Variants in AGAP1 observed in about 807,000 individuals in gnomAD.
AGAP1 encodes arf-GAP with GTPase, ANK repeat and PH domain-containing protein 1.
AGAP1 carries 29 observed loss-of-function variants against 105.3 expected under a neutral mutation model. The observed-to-expected ratio is 0.28, with a 90% CI of 0.21 to 0.38. The LOEUF (loss-of-function observed/expected upper bound fraction) is 0.38. Ranked by LOEUF, AGAP1 falls within the 10% of genes least tolerant of loss-of-function variation. The pLI is 1.00. For synonymous variants in AGAP1, 509 were observed against 485.9 expected, an observed-to-expected ratio of 1.05 and a Z score of -0.63; for missense variants, 998 against 1,165.1, an observed-to-expected ratio of 0.86 and a Z score of 2.09.
At chr2:235,778,949 C>T (rs1956083623) in intron 6 of AGAP1, among the ~76,000 whole-genome samples, 1 of 152,242 alleles carries the variant, frequency 6.6e-6, no homozygotes, top group South Asian at 2.1e-4. Flanking sequence ...CATGGATCAA[C>T]TGACTTCCCT....
At chr2:235,682,752 C>G (rs1316333860) in intron 1 of AGAP1, among the ~76,000 whole-genome samples, 1 of 151,754 alleles carries the variant, frequency 6.6e-6, no homozygotes, top group Admixed American at 6.6e-5. Flanking sequence ...GGCATTTAAC[C>G]TGCTGGGCAC....
rs1944092979 is a variant in AGAP1, at chr2:235,559,917, A to G, written c.163+65068A>G. Among the ~76,000 whole-genome samples the G allele has an allele frequency of 1.3e-5, 2 of 152,036 alleles. No homozygotes were observed. The highest frequency in any genetic ancestry group is 6.6e-5 in the Admixed American group (1 of 15,260). ...CTTATTAGATATATGATTTGCAAAT[A>G]TATTCTTTTTTTCTGTGGTTTGTCC... On this transcript the variant is annotated intron_variant, in intron 1 of 17. Coordinates refer to ENST00000304032, the MANE Select transcript of AGAP1 (RefSeq NM_001037131.3). The surrounding 1 kb of genome is among the most constrained non-coding windows in gnomAD (Gnocchi z 5.7).
Position 235,664,698 on chromosome 2 carries a change from G to T in AGAP1, c.164-44481G>T, listed in dbSNP as rs1948072279. 6.6e-6 allele frequency among the ~76,000 whole-genome samples: 1 copy of T among 152,170 alleles called. No homozygotes were observed. Among genetic ancestry groups the T allele is most frequent in the Non-Finnish European group, 1.5e-5 (1 of 68,030 alleles). ...TAAGTGGAAATGAAGTCTCAGTGTG[G>T]GGTCCGATGCTTCCTATGGCTGCAT... On this transcript the variant is annotated intron_variant, in intron 1 of 17. Transcript: ENST00000304032. This position sits in a 1 kb window ranked among gnomAD's most constrained non-coding sequence, Gnocchi z 5.7.
intron 1 of AGAP1, among the ~76,000 whole-genome samples, chr2:235,540,806 A>T (rs1321511558): frequency 1.3e-5 from 2 of 151,926 alleles, no homozygotes; most frequent in East Asian, 3.9e-4. Flanking sequence ...GTGAGAAGAA[A>T]CACTTCAGGG....
In AGAP1 at chr2:235,893,292, G is replaced by GCGTGTCTGTGGCGCAGGTGTGC. The variant is rs1351590118; in HGVS notation, c.1155+9856_1155+9877dup. ...GCGCCGTGTCTGTAGCGTGGGTGTA[G>GCGTGTCTGTGGCGCAGGTGTGC]CGTGTCTGTGGCGCAGGTGTGCCGT... On this transcript the variant is annotated intron_variant, in intron 10 of 17. Transcript: ENST00000304032. The surrounding 1 kb of genome is among the most constrained non-coding windows in gnomAD (Gnocchi z 4.7). 2.7e-5 allele frequency among the ~76,000 whole-genome samples: 4 copies of GCGTGTCTGTGGCGCAGGTGTGC among 150,006 alleles called. No homozygotes were observed. Among genetic ancestry groups the GCGTGTCTGTGGCGCAGGTGTGC allele is most frequent in the Non-Finnish European group, 5.9e-5 (4 of 67,504 alleles).
chr2:235,552,011 C>G lies in AGAP1; in HGVS notation c.163+57162C>G, dbSNP rs1943828168. Among the ~76,000 whole-genome samples the G allele has an allele frequency of 6.6e-6, 1 of 152,222 alleles. No individual in the cohort carries two copies. The highest frequency in any genetic ancestry group is 1.5e-5 in the Non-Finnish European group (1 of 68,044). On this transcript the variant is annotated intron_variant, in intron 1 of 17. Transcript: ENST00000304032. This position sits in a 1 kb window ranked among gnomAD's most constrained non-coding sequence, Gnocchi z 5.9. ...AAGAACTCTAGTTGGAGTTGTAGAG[C>G]TAATGTTTTTTTCTCTGGTCCCTGC... is the stretch of plus-strand genomic sequence containing the variant.
intron 9 of AGAP1, among the ~76,000 whole-genome samples, chr2:235,880,208 C>T (rs1575680211): frequency 2.0e-5 from 3 of 151,696 alleles, no homozygotes; most frequent in South Asian, 2.1e-4. Flanking sequence ...CAAATAAGTC[C>T]TCGTAGCCTT....
intron 10 of AGAP1, among the ~76,000 whole-genome samples, chr2:235,885,806 C>T (rs934359152): frequency 6.6e-5 from 10 of 152,320 alleles, no homozygotes; most frequent in African/African-American, 9.6e-5. Flanking sequence ...ACTGAAAGCA[C>T]CTCCCATGCG....
At position 235,622,848 on chromosome 2, in the gene AGAP1, G is replaced by A. The variant is rs976754282; in HGVS notation, c.164-86331G>A. Among the ~76,000 whole-genome samples, 2 of 152,106 alleles carry A rather than the reference G, an allele frequency of 1.3e-5. No homozygotes were observed. Among genetic ancestry groups the A allele is most frequent in the African/African-American group, 4.8e-5 (2 of 41,412 alleles). The stretch of plus-strand genomic sequence containing the variant: ...CCTGCACCCACACTGGACAGTCATT[G>A]TAGAAAGTAAGATGTGATGTTAATA... On this transcript the variant is annotated intron_variant, in intron 1 of 17. Transcript: ENST00000304032. The surrounding 1 kb of genome is among the most constrained non-coding windows in gnomAD (Gnocchi z 5.0).
rs575119540 is a variant in AGAP1, at chr2:235,569,081, G to A, written c.163+74232G>A. Among the ~76,000 whole-genome samples the A allele has an allele frequency of 3.3e-5, 5 of 152,294 alleles. No homozygotes were observed. In the East Asian group the frequency reaches 9.6e-4, roughly 29 times the overall value. On this transcript the variant is annotated intron_variant, in intron 1 of 17. Coordinates refer to ENST00000304032, the MANE Select transcript of AGAP1 (RefSeq NM_001037131.3). This position sits in a 1 kb window ranked among gnomAD's most constrained non-coding sequence, Gnocchi z 5.9. ...GGTGTTGGGACATGGACATTTTGGG[G>A]GACCCATGATTCAGTTTCCCTCACG... is the stretch of plus-strand genomic sequence containing the variant.
At chr2:236,086,492 T>C (rs2058931126) in intron 16 of AGAP1, among the ~76,000 whole-genome samples, 1 of 152,206 alleles carries the variant, frequency 6.6e-6, no homozygotes. Flanking sequence ...ATTCAGAAAC[T>C]AAAAGAAATA....
chr2:235,589,929 G>T (rs1468044935), intron 1 of AGAP1, among the ~76,000 whole-genome samples: 1 of 151,792 alleles, frequency 6.6e-6, no homozygotes, highest in African/African-American at 2.4e-5. Context: ...CGCCCAGGCT[G>T]GAGTGCAGTG....
At chr2:235,767,359 G>A (rs1955046764) in intron 6 of AGAP1, among the ~76,000 whole-genome samples, 1 of 152,250 alleles carries the variant, frequency 6.6e-6, no homozygotes, top group Non-Finnish European at 1.5e-5. Context: ...GAGGCAGGTT[G>A]GGCGCAGGCT....
rs916765448 is a variant in AGAP1 at position 235,737,625 on chromosome 2, G to A, written c.311-3338G>A. 6.6e-6 allele frequency among the ~76,000 whole-genome samples: 1 copy of A among 152,172 alleles called. No individual in the cohort carries two copies. Among genetic ancestry groups the A allele is most frequent in the Non-Finnish European group, 1.5e-5 (1 of 68,044 alleles). On this transcript the variant is annotated intron_variant, in intron 3 of 17. Transcript: ENST00000304032. The surrounding 1 kb of genome is among the most constrained non-coding windows in gnomAD (Gnocchi z 4.5). ...CAAAAACATGTTAGAGGAAGCAAAG[G>A]AGAGGATGGACGTGAAATCCGTCCT...
intron 16 of AGAP1, among the ~76,000 whole-genome samples, chr2:236,079,620 A>G (rs1052683860): frequency 2.0e-5 from 3 of 151,954 alleles, no homozygotes; most frequent in African/African-American, 7.3e-5. Flanking sequence ...ATATATAGTG[A>G]TCCATGCAAA....
At chr2:236,115,805 T>TTTTGTTTTG (rs71400796) in intron 16 of AGAP1, among the ~76,000 whole-genome samples, 4 of 151,428 alleles carry the variant, frequency 2.6e-5, no homozygotes, top group Admixed American at 6.6e-5. Flanking sequence ...AAAGCTTCTG[T>TTTTGTTTTG]TTTTGTTTTG....
rs1303116665 is a variant in AGAP1, at chr2:236,119,646, A to C, written c.2115-546A>C. Among the ~76,000 whole-genome samples, 2 of 147,382 alleles carry C rather than the reference A, an allele frequency of 1.4e-5. No homozygotes were observed. The highest frequency in any genetic ancestry group is 3.0e-5 in the Non-Finnish European group (2 of 67,336). On this transcript the variant is annotated intron_variant, in intron 16 of 17. Coordinates refer to ENST00000304032, the MANE Select transcript of AGAP1 (RefSeq NM_001037131.3). This position sits in a 1 kb window ranked among gnomAD's most constrained non-coding sequence, Gnocchi z 6.6. ...CTTACAGTCCTGCTTACAGTAAAGC[A>C]ACTCTCGGCCCCAGAGACCATGCTT...
rs1479477555 is a variant in AGAP1 at position 235,976,744 on chromosome 2, G to T, written c.1645+8121G>T. On this transcript the variant is annotated intron_variant, in intron 13 of 17. Coordinates refer to ENST00000304032, the MANE Select transcript of AGAP1 (RefSeq NM_001037131.3). The surrounding 1 kb of genome is among the most constrained non-coding windows in gnomAD (Gnocchi z 4.5). ...GAACTTGGTTATGCAGGAGCACAGG[G>T]CACCCCCAGCTGCCTGGAGGACCTC... Among the ~76,000 whole-genome samples, 1 of 152,144 alleles carries T rather than the reference G, an allele frequency of 6.6e-6. No individual in the cohort carries two copies. Among genetic ancestry groups the T allele is most frequent in the African/African-American group, 2.4e-5 (1 of 41,442 alleles).
rs1032032941 is a variant in AGAP1 at position 235,608,856 on chromosome 2, G to A, written c.164-100323G>A. On this transcript the variant is annotated intron_variant, in intron 1 of 17. Transcript: ENST00000304032. This position sits in a 1 kb window ranked among gnomAD's most constrained non-coding sequence, Gnocchi z 5.4. ...TGAAATTCGAATAGATTGTACGAAG[G>A]TTTGAGAGCTGGCATGACCCACTTT... is the stretch of plus-strand genomic sequence containing the variant. 2.6e-5 allele frequency among the ~76,000 whole-genome samples: 4 copies of A among 152,164 alleles called. No homozygotes were observed. Among genetic ancestry groups the A allele is most frequent in the African/African-American group, 9.7e-5 (4 of 41,434 alleles).
Sources: allele counts gnomAD v4.1 joint callset (sites outside exome capture counted in the v4.1 genomes callset), GRCh38; gene constraint gnomAD v4.1.1; non-coding constraint Gnocchi (gnomAD v3.1); transcripts MANE v1.5; gene names NCBI Gene and HGNC (gene_info 2026-07-23, HGNC 2026-07-21).